The following MSRB3 variants were observed in gnomAD, a reference collection of about 807,000 sequenced individuals.
The protein encoded by MSRB3 is methionine sulfoxide reductase B3, also known as methionine-R-sulfoxide reductase B3.
A neutral mutation model predicts 21.0 loss-of-function variants in MSRB3; 13 were observed. That is an observed-to-expected ratio of 0.62 (90% CI 0.40 to 0.98). MSRB3 has a LOEUF of 0.98. Among genes scored for constraint, MSRB3 ranks in the 50% least tolerant of loss-of-function variants. The pLI, the probability that MSRB3 is intolerant of heterozygous loss-of-function variation, is 0.00. For missense variants in MSRB3, 199 were observed against 230.3 expected (o/e 0.86, Z 0.88); for synonymous variants, 87 against 88.6 (o/e 0.98, Z 0.10).
chr12:65,348,314 G>A (rs1278692111), intron 4 of MSRB3, among the ~76,000 whole-genome samples: 2 of 152,156 alleles, frequency 1.3e-5, no homozygotes, highest in Non-Finnish European at 2.9e-5. Flanking sequence ...TTAGTCTTGG[G>A]AGGGTGTATG....
chr12:65,448,468 A>T (rs1402656498), intron 5 of MSRB3, among the ~76,000 whole-genome samples: 1 of 152,224 alleles, frequency 6.6e-6, no homozygotes, highest in Non-Finnish European at 1.5e-5. Flanking sequence ...AGGGGAGATT[A>T]TGTAGGTATA....
At chr12:65,388,875 AAAG>A (rs1158836345) in intron 5 of MSRB3, among the ~76,000 whole-genome samples, 4 of 152,176 alleles carry the variant, frequency 2.6e-5, no homozygotes, top group South Asian at 2.1e-4. Flanking sequence ...TGTCAAAAGA[AAAG>A]AAGAGAAGAG....
intron 1 of MSRB3, among the ~76,000 whole-genome samples, chr12:65,300,487 T>G (rs1351226320): frequency 6.6e-6 from 1 of 152,184 alleles, no homozygotes; most frequent in East Asian, 1.9e-4. Flanking sequence ...TGTTGTTTTC[T>G]AAAACAAGGA....
At chr12:65,283,874 CT>C (rs1872189658) in intron 1 of MSRB3, 1 of 152,196 alleles carries the variant, frequency 6.6e-6, no homozygotes, top group Non-Finnish European at 1.5e-5. Context: ...GCTTTTCTTT[CT>C]TAATACTTGT....
chr12:65,292,416 A>G (rs1438035395), intron 1 of MSRB3, among the ~76,000 whole-genome samples: 4 of 151,912 alleles, frequency 2.6e-5, no homozygotes, highest in Admixed American at 2.6e-4. Context: ...ATTCCCAGTA[A>G]GTTAACTAGC....
intron 4 of MSRB3, among the ~76,000 whole-genome samples, chr12:65,350,484 A>G (rs1422563186): frequency 2.0e-5 from 3 of 151,470 alleles, no homozygotes; most frequent in African/African-American, 4.9e-5. Context: ...ATGTAAATGG[A>G]CTAAATGCTC....
intron 6 of MSRB3, among the ~76,000 whole-genome samples, chr12:65,456,545 A>G (rs1883097561): frequency 6.6e-6 from 1 of 152,238 alleles, no homozygotes; most frequent in Non-Finnish European, 1.5e-5. Flanking sequence ...AACCAAGCAT[A>G]GCTGTTGGCC....
intron 5 of MSRB3, among the ~76,000 whole-genome samples, chr12:65,375,006 C>T (rs1165234150): frequency 7.6e-6 from 1 of 131,520 alleles, no homozygotes; most frequent in East Asian, 2.2e-4. Context: ...CCCGCCACCA[C>T]GCCTGGCTTT....
chr12:65,393,702 GTA>G (rs550808728), intron 5 of MSRB3, among the ~76,000 whole-genome samples: 4 of 149,590 alleles, frequency 2.7e-5, no homozygotes, highest in Non-Finnish European at 5.9e-5. Context: ...CTTGTTTTGT[GTA>G]TATATATGTG....
intron 5 of MSRB3, among the ~76,000 whole-genome samples, chr12:65,422,081 C>A (rs916263018): frequency 2.0e-5 from 3 of 151,980 alleles, no homozygotes; most frequent in Non-Finnish European, 2.9e-5. Context: ...GGTTGCAATC[C>A]TATTTTTAGA....
intron 4 of MSRB3, among the ~76,000 whole-genome samples, chr12:65,350,191 C>G (rs1296757407): frequency 4.0e-5 from 6 of 151,446 alleles, no homozygotes; most frequent in Middle Eastern, 3.4e-3. Flanking sequence ...GCTTGTTTTT[C>G]TCAGGTTTGT....
intron 5 of MSRB3, among the ~76,000 whole-genome samples, chr12:65,393,610 A>T (rs969468963): frequency 8.1e-6 from 1 of 123,752 alleles, no homozygotes; most frequent in Non-Finnish European, 1.6e-5. Context: ...CAGCCTGGGC[A>T]GTAGAGCGAG....
chr12:65,447,734 G>A (rs1882684890), intron 5 of MSRB3, among the ~76,000 whole-genome samples: 1 of 152,100 alleles, frequency 6.6e-6, no homozygotes, highest in Admixed American at 6.5e-5. Flanking sequence ...AGAAAGATGG[G>A]GAGAAAGAAA....
At chr12:65,448,148 G>A (rs1467033449) in intron 5 of MSRB3, among the ~76,000 whole-genome samples, 1 of 152,178 alleles carries the variant, frequency 6.6e-6, no homozygotes, top group South Asian at 2.1e-4. Flanking sequence ...GCAAAGGATA[G>A]GTGGAGGGAA....
At chr12:65,353,627 G>T (rs1877186801) in intron 4 of MSRB3, among the ~76,000 whole-genome samples, 1 of 152,064 alleles carries the variant, frequency 6.6e-6, no homozygotes, top group Non-Finnish European at 1.5e-5. Context: ...GTCTCTGCAT[G>T]TGAGATGGGT....
intron 1 of MSRB3, among the ~76,000 whole-genome samples, chr12:65,294,158 G>C (rs1479798045): frequency 6.6e-6 from 1 of 152,206 alleles, no homozygotes; most frequent in Non-Finnish European, 1.5e-5. Flanking sequence ...ATCTAGGCAT[G>C]AGCATTGCCA....
At chr12:65,445,608 G>A (rs1255117868) in intron 5 of MSRB3, among the ~76,000 whole-genome samples, 1 of 150,248 alleles carries the variant, frequency 6.7e-6, no homozygotes, top group Non-Finnish European at 1.5e-5. Context: ...CTAATTTCAT[G>A]TATATTGTAA....
chr12:65,313,843 AC>A (rs1361839105), intron 2 of MSRB3, among the ~76,000 whole-genome samples: 3 of 152,168 alleles, frequency 2.0e-5, no homozygotes, highest in Non-Finnish European at 2.9e-5. Context: ...ACAAATTTCA[AC>A]CCGTAATTCA....
At chr12:65,422,387 AGTAT>A (rs1191798444) in intron 5 of MSRB3, among the ~76,000 whole-genome samples, 17 of 88,150 alleles carry the variant, frequency 1.9e-4, no homozygotes, top group African/African-American at 6.7e-4. Context: ...GGGAGTACAT[AGTAT>A]ATATATATAT....
Sources: gnomAD v4.1 joint callset for allele counts (sites outside exome capture counted in the v4.1 genomes callset) on GRCh38, gnomAD v4.1.1 for gene constraint, MANE v1.5 for transcripts, NCBI Gene and HGNC (gene_info 2026-07-23, HGNC 2026-07-21) for gene names.